The following NYAP2 variants were observed in gnomAD, a reference collection of about 807,000 sequenced individuals.
The protein encoded by NYAP2 is neuronal tyrosine-phosphorylated phosphoinositide-3-kinase adaptor 2, also known as neuronal tyrosine-phosphorylated phosphoinositide-3-kinase adapter 2.
In NYAP2, 23 loss-of-function variants were observed where a neutral mutation model predicts 50.4. That is an observed-to-expected ratio of 0.46 (90% CI 0.33 to 0.65). The LOEUF is 0.65. NYAP2 is among the 30% of genes least tolerant of loss of function. The probability of loss-of-function intolerance (pLI) is 0.02; values close to 1 mark genes in which losing one functional copy is unlikely to be tolerated. For missense variants in NYAP2, 885 were observed against 861.0 expected, an observed-to-expected ratio of 1.03 and a Z score of -0.35; for synonymous variants, 394 against 365.2, an observed-to-expected ratio of 1.08 and a Z score of -0.90.
chr2:225,544,332 T>A (rs185237835), intron 4 of NYAP2, among the ~76,000 whole-genome samples: 5 of 151,952 alleles, frequency 3.3e-5, no homozygotes, highest in Non-Finnish European at 5.9e-5. Flanking sequence ...ATTTTGTTAT[T>A]CATTTTCTGG....
the NYAP2 span, among the ~76,000 whole-genome samples, chr2:225,668,464 C>T: frequency 6.6e-6 from 1 of 152,132 alleles, no homozygotes; most frequent in African/African-American, 2.4e-5. Context: ...ATTAGAGGAT[C>T]AGATCAGTGG....
chr2:225,415,392 G>A (rs1695106209), intron 3 of NYAP2, among the ~76,000 whole-genome samples: 1 of 152,126 alleles, frequency 6.6e-6, no homozygotes, highest in Non-Finnish European at 1.5e-5. Flanking sequence ...AAAAGCAAAT[G>A]GCTATGATAT....
chr2:225,578,620 G>A (rs80202999), intron 4 of NYAP2, among the ~76,000 whole-genome samples: 24 of 152,228 alleles, frequency 1.6e-4, no homozygotes, highest in East Asian at 3.9e-4. Flanking sequence ...GATAAGCATC[G>A]CCAGATGTAG....
intron 4 of NYAP2, among the ~76,000 whole-genome samples, chr2:225,520,882 G>A (rs1237406843): frequency 4.0e-5 from 6 of 151,798 alleles, no homozygotes; most frequent in African/African-American, 7.3e-5. Context: ...CATTTTCATG[G>A]TATTGATTCT....
rs148645108 is a variant in NYAP2 at position 225,648,560 on chromosome 2, G to C, written c.1829-2872G>C. Among the ~76,000 whole-genome samples the C allele has an allele frequency of 9.6e-3, 1,467 of 152,044 alleles. 26 individuals carry two copies. Among genetic ancestry groups the C allele is most frequent in the African/African-American group, 0.032 (1,347 of 41,478 alleles). ...GAGATAACTATAAGAGCCATTGCAA[G>C]GGGGAAAAAAAGCAAATTCCAACAG... On this transcript the variant is annotated intron_variant, in intron 6 of 6. Coordinates refer to ENST00000636099, the Ensembl canonical transcript of NYAP2.
At chr2:225,604,029 A>G (rs1335197394) in intron 5 of NYAP2, among the ~76,000 whole-genome samples, 1 of 152,196 alleles carries the variant, frequency 6.6e-6, no homozygotes, top group African/African-American at 2.4e-5. Flanking sequence ...AAGGAATAAC[A>G]TCTAAGACAA....
At chr2:225,423,124 G>A (rs1559175825) in intron 3 of NYAP2, among the ~76,000 whole-genome samples, 1 of 152,050 alleles carries the variant, frequency 6.6e-6, no homozygotes, top group Admixed American at 6.6e-5. Context: ...AGGAGAGATG[G>A]TGCATATAAG....
chr2:225,634,975 A>C (rs1002598647), intron 6 of NYAP2, among the ~76,000 whole-genome samples: 3 of 152,240 alleles, frequency 2.0e-5, no homozygotes, highest in African/African-American at 7.2e-5. Context: ...AATTTTTATC[A>C]GTTGATTTAT....
intron 4 of NYAP2, among the ~76,000 whole-genome samples, chr2:225,580,517 T>G (rs1380421816): frequency 6.6e-6 from 1 of 152,196 alleles, no homozygotes; most frequent in African/African-American, 2.4e-5. Flanking sequence ...ACACAGATTA[T>G]GAACCTTCCC....
chr2:225,634,554 A>G (rs1452347793), intron 6 of NYAP2, among the ~76,000 whole-genome samples: 1 of 152,190 alleles, frequency 6.6e-6, no homozygotes. Flanking sequence ...TTTCATTTAA[A>G]GAAAACAAAA....
chr2:225,544,585 G>C (rs11898224), intron 4 of NYAP2, among the ~76,000 whole-genome samples: 26 of 151,954 alleles, frequency 1.7e-4, no homozygotes, highest in Admixed American at 1.6e-3. Flanking sequence ...CTTTAACTTC[G>C]TCTCCTATTT....
intron 4 of NYAP2, among the ~76,000 whole-genome samples, chr2:225,518,630 A>G (rs974055093): frequency 3.4e-5 from 5 of 145,278 alleles, no homozygotes; most frequent in African/African-American, 7.5e-5. Context: ...ATATATATAT[A>G]TATAAATAAA....
chr2:225,500,958 A>G (rs1216907113), intron 3 of NYAP2, among the ~76,000 whole-genome samples: 2 of 152,216 alleles, frequency 1.3e-5, no homozygotes, highest in African/African-American at 2.4e-5. Flanking sequence ...AAACAGAAAA[A>G]GAGGAAGCAT....
intron 4 of NYAP2, among the ~76,000 whole-genome samples, chr2:225,533,795 T>A (rs1559207029): frequency 6.6e-6 from 1 of 152,118 alleles, no homozygotes; most frequent in African/African-American, 2.4e-5. Context: ...TAAATGAAAA[T>A]TAGACCTCAC....
At chr2:225,410,307 CATGT>C (rs1313790846) in intron 3 of NYAP2, among the ~76,000 whole-genome samples, 1 of 151,968 alleles carries the variant, frequency 6.6e-6, no homozygotes, top group Non-Finnish European at 1.5e-5. Flanking sequence ...TTCACAATTG[CATGT>C]ATTTATATTT....
At chr2:225,625,689 G>A (rs1369263510) in intron 5 of NYAP2, among the ~76,000 whole-genome samples, 1 of 152,170 alleles carries the variant, frequency 6.6e-6, no homozygotes, top group Non-Finnish European at 1.5e-5. Context: ...TAGGTTAACA[G>A]GGAAAGACAA....
At chr2:225,596,863 C>CG (rs1692607959) in intron 5 of NYAP2, among the ~76,000 whole-genome samples, 1 of 151,966 alleles carries the variant, frequency 6.6e-6, no homozygotes, top group Non-Finnish European at 1.5e-5. Context: ...ATCATGTTGT[C>CG]GACAGCAAAA....
At chr2:225,542,543 C>T (rs1359754913) in intron 4 of NYAP2, among the ~76,000 whole-genome samples, 2 of 151,868 alleles carry the variant, frequency 1.3e-5, no homozygotes, top group Admixed American at 6.6e-5. Context: ...GATTTTTATC[C>T]TCCATTCTTT....
rs184253337 is a variant in NYAP2 at position 225,460,987 on chromosome 2, T to C, written c.221+51886T>C. On this transcript the variant is annotated intron_variant, in intron 3 of 6. Coordinates refer to ENST00000636099, the Ensembl canonical transcript of NYAP2. Reference sequence around the variant, plus strand: ...CTGCCTGAGCGACAGAGCGAGACTCTGTCTCAAAAAAAAAAAAAAAAAAAA... The same window carrying C: ...CTGCCTGAGCGACAGAGCGAGACTCCGTCTCAAAAAAAAAAAAAAAAAAAA... Among the ~76,000 whole-genome samples, 16 of 118,096 alleles carry C rather than the reference T, an allele frequency of 1.4e-4. No individual in the cohort carries two copies. In the South Asian group the frequency reaches 1.8e-3, roughly 13 times the overall value. 77.5% of individuals were successfully genotyped at this position (118,096 alleles called of 152,430 possible).
Sources: gnomAD v4.1 joint callset for allele counts (sites outside exome capture counted in the v4.1 genomes callset) on GRCh38, gnomAD v4.1.1 for gene constraint, MANE v1.5 for transcripts, NCBI Gene and HGNC (gene_info 2026-07-23, HGNC 2026-07-21) for gene names.